Variants in MYOCD observed in about 807,000 individuals in gnomAD.
MYOCD encodes myocardin.
MYOCD carries 32 observed loss-of-function variants against 96.1 expected under a neutral mutation model. That is an observed-to-expected ratio of 0.33 (90% CI 0.25 to 0.45). The LOEUF (loss-of-function observed/expected upper bound fraction) is 0.45, where lower values mean the gene tolerates loss of function less well. MYOCD is among the 20% of genes least tolerant of loss of function. The pLI is 1.00. For synonymous variants in MYOCD, 469 were observed against 469.0 expected, an observed-to-expected ratio of 1.00 and a Z score of 0.00; for missense variants, 1,133 against 1,200.6, an observed-to-expected ratio of 0.94 and a Z score of 0.83.
intron 10 of MYOCD, among the ~76,000 whole-genome samples, chr17:12,755,162 G>A (rs1466009901): frequency 6.6e-6 from 1 of 152,176 alleles, no homozygotes; most frequent in Non-Finnish European, 1.5e-5. Flanking sequence ...AACATTTATT[G>A]AGTGTGTAGT....
chr17:12,704,274 T>G (rs1455208966), intron 1 of MYOCD, among the ~76,000 whole-genome samples: 2 of 152,156 alleles, frequency 1.3e-5, no homozygotes, highest in Non-Finnish European at 2.9e-5. Flanking sequence ...AGGAGGAGTC[T>G]GAATTTCCAA....
At chr17:12,734,487 C>T (rs2032278869) in intron 5 of MYOCD, among the ~76,000 whole-genome samples, 1 of 138,230 alleles carries the variant, frequency 7.2e-6, no homozygotes. Context: ...ACCTGGCCCT[C>T]AGTAATACAC....
intron 5 of MYOCD, among the ~76,000 whole-genome samples, chr17:12,733,154 C>G (rs1293665582): frequency 6.6e-6 from 1 of 151,844 alleles, no homozygotes; most frequent in Non-Finnish European, 1.5e-5. Context: ...ACTAAAAATA[C>G]AAAAAATTAG....
At position 12,766,621 on chromosome 17, in the gene MYOCD, T is replaced by C. The variant is rs565243411; in HGVS notation, c.*2977T>C. The C allele has an allele frequency of 6.6e-6, 1 of 152,334 alleles. No homozygotes were observed. Among genetic ancestry groups the C allele is most frequent in the African/African-American group, 2.4e-5 (1 of 41,586 alleles). 9.4% of individuals were successfully genotyped at this position (152,334 alleles called of 1,614,324 possible). ...ATTGAGAATTTTATTTTAAATTCTT[T>C]TAAACTCTTCGTTGTGTCTTTTGTG... On this transcript the variant is annotated 3_prime_UTR_variant, in exon 14 of 14. Transcript: ENST00000425538.
At position 12,689,720 on chromosome 17, in the gene MYOCD, A is replaced by G. The variant is rs562371103; in HGVS notation, c.56-15408A>G. 2.6e-5 allele frequency among the ~76,000 whole-genome samples: 4 copies of G among 152,274 alleles called. No homozygotes were observed. The East Asian group carries it at 7.8e-4, about 30-fold the overall frequency. On this transcript the variant is annotated intron_variant, in intron 1 of 13. Coordinates refer to ENST00000425538, the MANE Select transcript of MYOCD (RefSeq NM_001146312.3). The stretch of plus-strand genomic sequence containing the variant: ...ATGGCAGGCAACTGTAATCCCAGCT[A>G]CTCAGGAGGCTGAGGCAGGAGAATC...
Position 12,739,276 on chromosome 17 carries a change from A to G in MYOCD, c.665A>G (p.Lys222Arg). 2 of 1,609,236 alleles carry G rather than the reference A, an allele frequency of 1.2e-6. No homozygotes were observed. Among genetic ancestry groups the G allele is most frequent in the Non-Finnish European group, 1.7e-6 (2 of 1,178,136 alleles). Residue 222 changes from lysine (K) to arginine (R), a missense_variant, in exon 7 of 14, where the codon AAG becomes AGG. Lys to Arg is a conservative substitution (Grantham distance 26, BLOSUM62 2). Coordinates refer to ENST00000425538, the MANE Select transcript of MYOCD (RefSeq NM_001146312.3). ...CCCAGCCACCAGTCAGATGCGGGGA[A>G]GCAGGGGCTTGGCCCCCCCAGCACC... ...SQPSHQSDAGKQGLGPPSTPI... is the reference protein window; with the variant it reads ...SQPSHQSDAGRQGLGPPSTPI...
intron 5 of MYOCD, among the ~76,000 whole-genome samples, chr17:12,727,648 A>G (rs2032038252): frequency 6.6e-6 from 1 of 152,076 alleles, no homozygotes; most frequent in Non-Finnish European, 1.5e-5. Context: ...TCATTTACTC[A>G]TTGTCTCCCT....
At chr17:12,689,804 C>T (rs761183944) in intron 1 of MYOCD, among the ~76,000 whole-genome samples, 18 of 152,132 alleles carry the variant, frequency 1.2e-4, no homozygotes, top group Non-Finnish European at 1.9e-4. Flanking sequence ...GCACTCCAGC[C>T]TGGGTGACAG....
chr17:12,715,605 T>G, intron 3 of MYOCD, 31 bp downstream of exon 3: 1 of 1,563,040 alleles, frequency 6.4e-7, no homozygotes, highest in South Asian at 1.1e-5. Context: ...GACCCAAGCT[T>G]AGACTATAGG....
chr17:12,758,426 G>A (rs1387591869), intron 12 of MYOCD: 2 of 707,006 alleles, frequency 2.8e-6, no homozygotes, highest in Non-Finnish European at 4.6e-6. Flanking sequence ...TCACCTGTCT[G>A]GCTTTGGTAC....
intron 4 of MYOCD, among the ~76,000 whole-genome samples, chr17:12,721,069 C>T (rs2031820320): frequency 6.7e-6 from 1 of 149,546 alleles, no homozygotes; most frequent in Non-Finnish European, 1.5e-5. Flanking sequence ...AGGGATTTTC[C>T]TGAAGCCTTC....
chr17:12,756,695 CAAAA>C (rs11307445), intron 11 of MYOCD, 138 bp downstream of exon 11: 1,665 of 140,824 alleles, frequency 0.012, no homozygotes, highest in Middle Eastern at 0.022. Context: ...GACTGCATCT[CAAAA>C]AAAAAAAAAA....
chr17:12,713,661 G>A (rs1035983355), intron 2 of MYOCD, among the ~76,000 whole-genome samples: 11 of 134,288 alleles, frequency 8.2e-5, no homozygotes, highest in African/African-American at 2.8e-4. Flanking sequence ...ACAATGGCCC[G>A]CTGGACTTCA....
chr17:12,733,053 A>C (rs9896296), intron 5 of MYOCD, among the ~76,000 whole-genome samples: 1 of 151,900 alleles, frequency 6.6e-6, no homozygotes, highest in Non-Finnish European at 1.5e-5. Context: ...GCTCACGCCT[A>C]TAATCCCAGC....
intron 1 of MYOCD, among the ~76,000 whole-genome samples, chr17:12,691,987 CTTTCTTACTAGGAATTATCAGCA>C (rs1204323351): frequency 6.6e-6 from 1 of 152,138 alleles, no homozygotes; most frequent in Non-Finnish European, 1.5e-5. Flanking sequence ...CCCCTTTCAA[CTTTCTTACTAGGAATTATCAGCA>C]TGAGAGAGAG....
At chr17:12,699,477 G>T (rs956528283) in intron 1 of MYOCD, among the ~76,000 whole-genome samples, 12 of 152,032 alleles carry the variant, frequency 7.9e-5, no homozygotes, top group African/African-American at 2.9e-4. Context: ...ATGTTTTGTG[G>T]CCACTTACTT....
chr17:12,706,408 C>T (rs768907437), intron 2 of MYOCD, among the ~76,000 whole-genome samples: 15 of 152,170 alleles, frequency 9.9e-5, no homozygotes, highest in Non-Finnish European at 1.3e-4. Context: ...CAAAGGTCTG[C>T]GGATGTCAGA....
At chr17:12,679,870 A>G (rs1000237822) in intron 1 of MYOCD, among the ~76,000 whole-genome samples, 2 of 152,204 alleles carry the variant, frequency 1.3e-5, no homozygotes, top group Non-Finnish European at 2.9e-5. Context: ...TTTTATATCC[A>G]TGTTCAGGTA....
At chr17:12,738,529 A>G (rs1410850389) in intron 6 of MYOCD, among the ~76,000 whole-genome samples, 2 of 152,046 alleles carry the variant, frequency 1.3e-5, no homozygotes, top group Non-Finnish European at 2.9e-5. Flanking sequence ...GTGTGCACAC[A>G]TGTGCACACA....
Sources: gnomAD v4.1 joint callset for allele counts (sites outside exome capture counted in the v4.1 genomes callset) on GRCh38, gnomAD v4.1.1 for gene constraint, MANE v1.5 for transcripts, NCBI Gene and HGNC (gene_info 2026-07-23, HGNC 2026-07-21) for gene names.